CADM2: variants seen among roughly 807,000 people sequenced by gnomAD.
The protein encoded by CADM2 is cell adhesion molecule 2.
A neutral mutation model predicts 49.8 loss-of-function variants in CADM2; 12 were observed. That is an observed-to-expected ratio of 0.24 (90% confidence interval 0.15 to 0.39). The LOEUF is 0.39. CADM2 is among the 10% of genes least tolerant of loss of function. The probability of loss-of-function intolerance (pLI) is 1.00; values close to 1 mark genes in which losing one functional copy is unlikely to be tolerated. For synonymous variants in CADM2, 214 were observed against 175.4 expected, an observed-to-expected ratio of 1.22 and a Z score of -1.74; for missense variants, 378 against 492.3, an observed-to-expected ratio of 0.77 and a Z score of 2.20.
intron 1 of CADM2, among the ~76,000 whole-genome samples, chr3:85,633,835 A>G (rs962762914): frequency 3.3e-5 from 5 of 152,084 alleles, no homozygotes; most frequent in African/African-American, 4.8e-5. Flanking sequence ...TTTAAATTCA[A>G]TTTTGTATAA....
chr3:85,801,779 T>C (rs796607859), intron 2 of CADM2, among the ~76,000 whole-genome samples: 1 of 152,200 alleles, frequency 6.6e-6, no homozygotes, highest in East Asian at 1.9e-4. Context: ...ATAATATTAC[T>C]ATTTGAATAT....
chr3:85,825,284 T>G (rs2108205063), intron 3 of CADM2, among the ~76,000 whole-genome samples: 1 of 152,010 alleles, frequency 6.6e-6, no homozygotes, highest in South Asian at 2.1e-4. Context: ...ATTACAAAGA[T>G]GTGGGAAGGC....
At chr3:84,998,350 T>C (rs938698332) in intron 1 of CADM2, among the ~76,000 whole-genome samples, 2 of 152,144 alleles carry the variant, frequency 1.3e-5, no homozygotes, top group Admixed American at 6.6e-5. Flanking sequence ...AGTTTTAATA[T>C]AGCAAATATG....
intron 1 of CADM2, among the ~76,000 whole-genome samples, chr3:85,240,882 T>C (rs753429259): frequency 4.6e-5 from 7 of 151,558 alleles, no homozygotes; most frequent in Non-Finnish European, 7.4e-5. Context: ...TACATATCTT[T>C]GGGGTAGATG....
intron 8 of CADM2, among the ~76,000 whole-genome samples, chr3:85,997,812 T>C (rs1210856341): frequency 6.6e-6 from 1 of 152,202 alleles, no homozygotes; most frequent in Non-Finnish European, 1.5e-5. Context: ...AGGTTCTTTA[T>C]AGGGACAGAA....
intron 8 of CADM2, among the ~76,000 whole-genome samples, chr3:86,040,917 G>A (rs1376938622): frequency 6.6e-6 from 1 of 152,116 alleles, no homozygotes; most frequent in East Asian, 1.9e-4. Flanking sequence ...AGAGAGTGGG[G>A]GTTAATATTC....
chr3:86,028,326 G>A (rs1349694090), intron 8 of CADM2, among the ~76,000 whole-genome samples: 1 of 151,470 alleles, frequency 6.6e-6, no homozygotes, highest in African/African-American at 2.4e-5. Context: ...CAAATATTTG[G>A]GTTTCCAGTA....
At chr3:85,463,137 T>A (rs922174554) in intron 1 of CADM2, among the ~76,000 whole-genome samples, 1 of 152,194 alleles carries the variant, frequency 6.6e-6, no homozygotes, top group African/African-American at 2.4e-5. Flanking sequence ...AATACTGATT[T>A]ATTTGCAGCA....
At chr3:85,806,433 C>T (rs1196473238) in intron 3 of CADM2, among the ~76,000 whole-genome samples, 4 of 151,982 alleles carry the variant, frequency 2.6e-5, no homozygotes, top group South Asian at 2.1e-4. Context: ...TGGCTATGAA[C>T]GAGAAATTCA....
chr3:85,166,776 G>C (rs2040480629), intron 1 of CADM2, among the ~76,000 whole-genome samples: 1 of 151,896 alleles, frequency 6.6e-6, no homozygotes, highest in East Asian at 1.9e-4. Flanking sequence ...CATCAATAGG[G>C]AGGTAAGAAT....
At chr3:85,557,696 G>T (rs2061996107) in intron 1 of CADM2, among the ~76,000 whole-genome samples, 1 of 151,910 alleles carries the variant, frequency 6.6e-6, no homozygotes. Flanking sequence ...TTTTGTTGCG[G>T]AAAAGCCAAT....
intron 1 of CADM2, among the ~76,000 whole-genome samples, chr3:85,291,379 T>G (rs989314703): frequency 7.3e-5 from 11 of 151,282 alleles, no homozygotes; most frequent in South Asian, 2.1e-4. Context: ...ATATTATCCA[T>G]GAGAACTTCC....
chr3:85,619,265 C>T, intron 1 of CADM2, among the ~76,000 whole-genome samples: 1 of 150,914 alleles, frequency 6.6e-6, no homozygotes, highest in East Asian at 1.9e-4. Flanking sequence ...AAAAGTATCA[C>T]CAATGCTTAG....
chr3:85,163,908 T>A (rs1172767251), intron 1 of CADM2, among the ~76,000 whole-genome samples: 1 of 152,042 alleles, frequency 6.6e-6, no homozygotes, highest in Admixed American at 6.6e-5. Context: ...GAACCATTAG[T>A]AGTAATTCCT....
intron 2 of CADM2, among the ~76,000 whole-genome samples, chr3:85,768,771 CATATAT>C: frequency 7.6e-6 from 1 of 132,208 alleles, no homozygotes; most frequent in South Asian, 2.3e-4. Context: ...TATATATACA[CATATAT>C]ACATATATAG....
At chr3:85,109,895 G>A (rs2038387820) in intron 1 of CADM2, among the ~76,000 whole-genome samples, 1 of 151,868 alleles carries the variant, frequency 6.6e-6, no homozygotes, top group African/African-American at 2.4e-5. Context: ...TTTCATAGCT[G>A]TGAAATTTTT....
intron 8 of CADM2, among the ~76,000 whole-genome samples, chr3:85,977,264 T>C (rs1726907808): frequency 6.6e-6 from 1 of 151,428 alleles, no homozygotes; most frequent in African/African-American, 2.4e-5. Flanking sequence ...CTACTTTTCT[T>C]ATTAGAATAA....
rs547247946 is a variant in CADM2, at chr3:85,671,837, A to G, written c.62-54685A>G. 2.0e-5 allele frequency among the ~76,000 whole-genome samples: 3 copies of G among 152,316 alleles called. No homozygotes were observed. The South Asian group carries it at 6.2e-4, about 32-fold the overall frequency. ...TACTCATTCTGAATTAGCATCACTC[A>G]GTATTCTCTGTCCCCTAGTATTTCT... On this transcript the variant is annotated intron_variant, in intron 1 of 9. Coordinates refer to ENST00000383699, the MANE Select transcript of CADM2 (RefSeq NM_001167675.2).
chr3:85,332,307 C>A (rs189258033), intron 1 of CADM2, among the ~76,000 whole-genome samples: 64 of 152,022 alleles, frequency 4.2e-4, no homozygotes, highest in Non-Finnish European at 7.5e-4. Flanking sequence ...TTTGTGTTGT[C>A]TAATGAGCTT....
Sources: allele counts gnomAD v4.1 joint callset (sites outside exome capture counted in the v4.1 genomes callset), GRCh38; gene constraint gnomAD v4.1.1; transcripts MANE v1.5; gene names NCBI Gene and HGNC (gene_info 2026-07-23, HGNC 2026-07-21).